CADM2: variants seen among roughly 807,000 people sequenced by gnomAD.
CADM2 encodes cell adhesion molecule 2.
CADM2 carries 12 observed loss-of-function variants against 49.8 expected under a neutral mutation model. That is an observed-to-expected ratio of 0.24 (90% confidence interval 0.15 to 0.39). The LOEUF is 0.39. Ranked by LOEUF, CADM2 falls within the 10% of genes least tolerant of loss-of-function variation. The pLI is 1.00. For missense variants in CADM2, 378 were observed against 492.3 expected, an observed-to-expected ratio of 0.77 and a Z score of 2.20; for synonymous variants, 214 against 175.4, an observed-to-expected ratio of 1.22 and a Z score of -1.74.
intron 8 of CADM2, among the ~76,000 whole-genome samples, chr3:86,026,930 C>A (rs1190456146): frequency 6.6e-6 from 1 of 151,996 alleles, no homozygotes; most frequent in South Asian, 2.1e-4. Flanking sequence ...AGGCAAGAAC[C>A]TTGTATTACA....
At chr3:85,203,947 T>C (rs2041569705) in intron 1 of CADM2, among the ~76,000 whole-genome samples, 1 of 152,182 alleles carries the variant, frequency 6.6e-6, no homozygotes, top group Admixed American at 6.5e-5. Flanking sequence ...GAAAGAATAA[T>C]CCTTATACAA....
chr3:85,168,311 T>A (rs2040525715), intron 1 of CADM2, among the ~76,000 whole-genome samples: 1 of 152,110 alleles, frequency 6.6e-6, no homozygotes, highest in African/African-American at 2.4e-5. Flanking sequence ...CACCTTGGCC[T>A]CCCAAAGTGC....
At chr3:85,909,500 G>A (rs1717276939) in intron 5 of CADM2, among the ~76,000 whole-genome samples, 3 of 151,852 alleles carry the variant, frequency 2.0e-5, no homozygotes, top group Admixed American at 2.0e-4. Flanking sequence ...GGAAGAGTAA[G>A]TCCCACTATT....
chr3:85,124,774 C>A (rs1430806763), intron 1 of CADM2, among the ~76,000 whole-genome samples: 1 of 152,150 alleles, frequency 6.6e-6, no homozygotes, highest in Non-Finnish European at 1.5e-5. Flanking sequence ...TCAGCAACAT[C>A]ATCCAACCCA....
chr3:85,602,876 G>A (rs1357127948), intron 1 of CADM2, among the ~76,000 whole-genome samples: 1 of 151,726 alleles, frequency 6.6e-6, no homozygotes, highest in Non-Finnish European at 1.5e-5. Flanking sequence ...TGTTTTCAAG[G>A]AATTGTTTTC....
intron 1 of CADM2, among the ~76,000 whole-genome samples, chr3:84,976,466 A>T (rs1436264698): frequency 6.6e-6 from 1 of 151,818 alleles, no homozygotes; most frequent in South Asian, 2.1e-4. Flanking sequence ...ATATTTCAAA[A>T]GTATTTTTCC....
intron 1 of CADM2, among the ~76,000 whole-genome samples, chr3:85,510,780 A>G (rs1408971121): frequency 6.6e-6 from 1 of 152,020 alleles, no homozygotes; most frequent in African/African-American, 2.4e-5. Flanking sequence ...TATTTATTTT[A>G]TAAAAACAAT....
At chr3:85,994,621 T>G (rs1729147403) in intron 8 of CADM2, 1 of 152,170 alleles carries the variant, frequency 6.6e-6, no homozygotes, top group Non-Finnish European at 1.5e-5. Flanking sequence ...GATTCAAAGT[T>G]AGAAATGTGT....
intron 1 of CADM2, among the ~76,000 whole-genome samples, chr3:85,290,898 A>G (rs1042953207): frequency 6.6e-6 from 1 of 152,238 alleles, no homozygotes; most frequent in African/African-American, 2.4e-5. Context: ...TCTCAAAAGG[A>G]ACGCAGTTCC....
intron 2 of CADM2, among the ~76,000 whole-genome samples, chr3:85,744,917 A>G (rs1167917744): frequency 6.6e-6 from 1 of 152,190 alleles, no homozygotes; most frequent in Non-Finnish European, 1.5e-5. Context: ...GCTCTGCCTT[A>G]TGAATTTAAA....
intron 8 of CADM2, among the ~76,000 whole-genome samples, chr3:86,055,348 A>G (rs1430744746): frequency 2.0e-5 from 3 of 151,360 alleles, no homozygotes; most frequent in Non-Finnish European, 4.4e-5. Flanking sequence ...GGCAGATTCA[A>G]TGTTTGGTGA....
intron 1 of CADM2, among the ~76,000 whole-genome samples, chr3:85,036,795 G>T (rs765864956): frequency 1.1e-4 from 16 of 151,846 alleles, no homozygotes; most frequent in Admixed American, 2.6e-4. Flanking sequence ...AAGAAAAACT[G>T]AACCCACCCT....
chr3:85,418,970 GA>G (rs145250965), intron 1 of CADM2, among the ~76,000 whole-genome samples: 5 of 150,738 alleles, frequency 3.3e-5, no homozygotes, highest in African/African-American at 1.2e-4. Flanking sequence ...TTTGAGAGGG[GA>G]AAAAAAAATG....
intron 1 of CADM2, among the ~76,000 whole-genome samples, chr3:84,989,037 A>G (rs541428760): frequency 2.0e-5 from 3 of 152,328 alleles, no homozygotes; most frequent in African/African-American, 7.2e-5. Context: ...TTAAGGTGCC[A>G]TTCATGGCTG....
intron 1 of CADM2, among the ~76,000 whole-genome samples, chr3:85,382,004 A>T (rs1035524476): frequency 6.6e-6 from 1 of 151,894 alleles, no homozygotes; most frequent in Non-Finnish European, 1.5e-5. Context: ...TAATGTCATG[A>T]CAATTGGTGC....
chr3:85,574,432 C>T (rs1018636410), intron 1 of CADM2, among the ~76,000 whole-genome samples: 2 of 152,122 alleles, frequency 1.3e-5, no homozygotes, highest in Admixed American at 6.6e-5. Context: ...TCTTCATTTT[C>T]GGTCCACTTA....
chr3:85,544,995 C>G (rs979489802), intron 1 of CADM2, among the ~76,000 whole-genome samples: 1 of 152,104 alleles, frequency 6.6e-6, no homozygotes, highest in Non-Finnish European at 1.5e-5. Flanking sequence ...CCACCCAGAC[C>G]TGCTCCTTGT....
At chr3:85,512,557 T>G (rs1576689239) in intron 1 of CADM2, among the ~76,000 whole-genome samples, 1 of 152,196 alleles carries the variant, frequency 6.6e-6, no homozygotes, top group African/African-American at 2.4e-5. Flanking sequence ...ACTGCTAATA[T>G]TATTAAAGGA....
intron 8 of CADM2, among the ~76,000 whole-genome samples, chr3:86,007,910 C>T (rs1730987464): frequency 6.6e-6 from 1 of 152,078 alleles, no homozygotes; most frequent in African/African-American, 2.4e-5. Flanking sequence ...TCTTGTTCTT[C>T]GTTTTATTGA....
Sources: gnomAD v4.1 joint callset for allele counts (sites outside exome capture counted in the v4.1 genomes callset) on GRCh38, gnomAD v4.1.1 for gene constraint, MANE v1.5 for transcripts, NCBI Gene and HGNC (gene_info 2026-07-23, HGNC 2026-07-21) for gene names.